KIFBP: variants seen among roughly 807,000 people sequenced by gnomAD.
The protein encoded by KIFBP is kinesin family binding protein, also known as KIF-binding protein.
Under a neutral mutation model 58.9 loss-of-function variants are expected in KIFBP, and 46 were observed. The ratio of observed to expected loss-of-function variants is 0.78; its 90% CI spans 0.62 to 1.00. KIFBP has a LOEUF of 1.00. KIFBP is among the 50% of genes least tolerant of loss of function. KIFBP has a pLI of 0.00. For synonymous variants in KIFBP, 241 were observed against 283.4 expected (o/e 0.85, Z 1.50); for missense variants, 651 against 752.9 (o/e 0.86, Z 1.58).
In KIFBP at chr10:68,989,085, G is replaced by A. The variant is rs778077029; in HGVS notation, c.253G>A (p.Gly85Arg). ...GCCGGCTGAGGTGGTGGAGCCCGAG[G>A]GGCCCGTCGCCCAGCGAGCGGTGAG... ...GLPAEVVEPE[G>R]PVAQRAVRLA... Residue 85 changes from glycine (G) to arginine (R), a missense_variant, in exon 1 of 7, where the codon GGG (glycine) becomes AGG (arginine). Physicochemically the swap from Gly to Arg is moderately radical, Grantham distance 125. Transcript: ENST00000361983. 1 of 1,611,114 alleles carries A rather than the reference G, an allele frequency of 6.2e-7. No homozygotes were observed. The highest frequency in any genetic ancestry group is 8.5e-7 in the Non-Finnish European group (1 of 1,178,132).
chr10:69,006,173 T>G (rs1459063449), intron 4 of KIFBP, among the ~76,000 whole-genome samples: 5 of 152,210 alleles, frequency 3.3e-5, no homozygotes, highest in Non-Finnish European at 7.3e-5. Context: ...TTTTTTAACA[T>G]AGGCACGCTA....
chr10:69,008,679 A>G (rs1455686360), intron 4 of KIFBP, among the ~76,000 whole-genome samples, 162 bp from the exon 5 acceptor site: 2 of 152,020 alleles, frequency 1.3e-5, no homozygotes, highest in African/African-American at 4.8e-5. Context: ...ATGATAATAT[A>G]TCTTTTGTAC....
intron 6 of KIFBP, among the ~76,000 whole-genome samples, chr10:69,011,904 T>C (rs1843598507): frequency 6.6e-6 from 1 of 151,082 alleles, no homozygotes; most frequent in Non-Finnish European, 1.5e-5. Context: ...TTGGCCAAGC[T>C]GGTCTCGAAC....
At chr10:69,011,526 G>A (rs1269215157) in intron 6 of KIFBP, among the ~76,000 whole-genome samples, 2 of 151,178 alleles carry the variant, frequency 1.3e-5, no homozygotes, top group Non-Finnish European at 2.9e-5. Context: ...TGGAGTACAG[G>A]CGTGTGCCAC....
chr10:68,996,516 G>A (rs1310082068), intron 1 of KIFBP, among the ~76,000 whole-genome samples: 2 of 151,932 alleles, frequency 1.3e-5, no homozygotes, highest in Non-Finnish European at 2.9e-5. Context: ...AGTTGAGATT[G>A]TGCCACTGCA....
intron 6 of KIFBP, among the ~76,000 whole-genome samples, chr10:69,015,037 C>T (rs948724057): frequency 6.6e-6 from 1 of 152,112 alleles, no homozygotes; most frequent in East Asian, 1.9e-4. Context: ...ATTCTCCTGC[C>T]TCAGCCTCTC....
chr10:68,996,438 G>T (rs985812365), intron 1 of KIFBP, among the ~76,000 whole-genome samples: 2 of 152,054 alleles, frequency 1.3e-5, no homozygotes, highest in Non-Finnish European at 2.9e-5. Flanking sequence ...TTGGGCGCTT[G>T]CAATCCCAGC....
chr10:69,006,102 A>G (rs1488031819), intron 4 of KIFBP, 187 bp downstream of exon 4: 1 of 593,872 alleles, frequency 1.7e-6, no homozygotes, highest in Non-Finnish European at 3.0e-6. Flanking sequence ...TGTATGAATT[A>G]TTTTGAGTTT....
At chr10:68,997,085 T>A (rs376192390) in intron 1 of KIFBP, among the ~76,000 whole-genome samples, 22 of 152,256 alleles carry the variant, frequency 1.4e-4, no homozygotes, top group African/African-American at 4.1e-4. Context: ...GTATATATAT[T>A]TTTTTAAGTG....
Position 69,005,061 on chromosome 10 carries a change from C to T in KIFBP, c.541C>T (p.Leu181Phe), listed in dbSNP as rs1047715298. 1.5e-5 allele frequency: 25 copies of T among 1,613,360 alleles called. No individual in the cohort carries two copies. The Admixed American group carries it at 1.7e-4, about 11-fold the overall frequency. ...TTAATTGTAGGTTGGGAGTCCTCCT[C>T]TTGATCCTACTGAGCGTTTTCTTCC... ...QYMKEVGSPP[L>F]DPTERFLPEE... Residue 181 changes from leucine (L) to phenylalanine (F), a missense_variant, in exon 3 of 7, where the codon CTT becomes TTT. Transcript: ENST00000361983.
intron 1 of KIFBP, chr10:68,995,353 A>G (rs1589293850): frequency 6.6e-6 from 1 of 152,064 alleles, no homozygotes; most frequent in African/African-American, 2.4e-5. Context: ...TTGTTTTGGT[A>G]TACCTTTTTT....
intron 2 of KIFBP, among the ~76,000 whole-genome samples, chr10:69,001,044 G>A (rs1843460028): frequency 6.6e-6 from 1 of 152,062 alleles, no homozygotes; most frequent in Non-Finnish European, 1.5e-5. Context: ...CTGCCTGGGT[G>A]ATGCTTAAAT....
rs779750071 is a variant in KIFBP, at chr10:69,016,458, TC to T, written c.*43del. ...AAGGAAATGTGCAATATTGAAGTGA[TC>T]TTTTTCCCTAGTCAGACAGGCCCAA... On this transcript the variant is annotated 3_prime_UTR_variant, in exon 7 of 7. Transcript: ENST00000361983. 11 of 1,602,974 alleles carry T rather than the reference TC, an allele frequency of 6.9e-6. No individual in the cohort carries two copies. The highest frequency in any genetic ancestry group is 1.1e-5 in the South Asian group (1 of 90,812).
intron 1 of KIFBP, among the ~76,000 whole-genome samples, chr10:68,998,771 A>ATTTTTT (rs869186033): frequency 4.0e-5 from 4 of 99,854 alleles, no homozygotes; most frequent in African/African-American, 7.4e-5. Context: ...ATATATATAT[A>ATTTTTT]TTTTTTTTTT....
chr10:68,997,195 G>T (rs1426703022), intron 1 of KIFBP, among the ~76,000 whole-genome samples: 2 of 152,036 alleles, frequency 1.3e-5, no homozygotes, highest in Admixed American at 1.3e-4. Flanking sequence ...TCCTTTCCAG[G>T]ACCTCATTAA....
Position 69,016,058 on chromosome 10 carries a change from TA to T in KIFBP, c.1516del (p.Ile506Ter), listed in dbSNP as rs781469363. On this transcript the variant is annotated frameshift_variant, in exon 7 of 7. Coordinates refer to ENST00000361983, the MANE Select transcript of KIFBP (RefSeq NM_015634.4). LOFTEE classifies it high-confidence loss of function. Reference sequence around the variant, plus strand: ...CTAAGGGATCCTGATTCACACATTGTAAAAAAAATAAATAATCTTAATAAGT... The same window carrying T: ...CTAAGGGATCCTGATTCACACATTGTAAAAAAATAAATAATCTTAATAAGT... ...DRLRDPDSHI[V>X]KKINNLNKSA... The T allele has an allele frequency of 1.2e-6, 2 of 1,613,718 alleles. No homozygotes were observed. The highest frequency in any genetic ancestry group is 1.1e-5 in the South Asian group (1 of 91,056).
Position 69,015,394 on chromosome 10 carries a change from A to G in KIFBP, c.991-147A>G, listed in dbSNP as rs960521194. On this transcript the variant is annotated intron_variant, in intron 6 of 6. Coordinates refer to ENST00000361983, the MANE Select transcript of KIFBP (RefSeq NM_015634.4). ...ATCGGAAGAAAGAAAGAAGTTTTCA[A>G]AGGTGTTTAAGATTATGATACCCTT... 1.5e-5 allele frequency: 10 copies of G among 664,716 alleles called. No homozygotes were observed. In the Admixed American group the frequency reaches 3.1e-4, roughly 20 times the overall value. The allele number at this position is 664,716 out of a possible 1,614,324, so 41.2% of individuals were successfully genotyped here. A position where few individuals can be genotyped will look rare whatever the true frequency, so the allele number is the denominator to read the frequency against.
intron 1 of KIFBP, among the ~76,000 whole-genome samples, chr10:68,990,974 G>T (rs905630038): frequency 6.6e-6 from 1 of 152,110 alleles, no homozygotes; most frequent in Non-Finnish European, 1.5e-5. Context: ...GCCATATTTA[G>T]AATTATGTAG....
intron 3 of KIFBP, among the ~76,000 whole-genome samples, chr10:69,005,505 G>A (rs747915263): frequency 6.6e-6 from 1 of 151,776 alleles, no homozygotes; most frequent in South Asian, 2.1e-4. Flanking sequence ...GTGAAACCCC[G>A]TCTCTACCAA....
Sources: allele counts gnomAD v4.1 joint callset (sites outside exome capture counted in the v4.1 genomes callset), GRCh38; gene constraint gnomAD v4.1.1; transcripts MANE v1.5; gene names NCBI Gene and HGNC (gene_info 2026-07-23, HGNC 2026-07-21).